COP1: variants seen among roughly 807,000 people sequenced by gnomAD.
COP1 encodes the protein COP1 E3 ubiquitin ligase.
COP1 carries 24 observed loss-of-function variants against 101.3 expected under a neutral mutation model. The observed-to-expected ratio is 0.24, with a 90% CI of 0.17 to 0.33. COP1 has a LOEUF of 0.33. Among genes scored for constraint, COP1 ranks in the 10% least tolerant of loss-of-function variants. The pLI is 1.00. For missense variants in COP1, 663 were observed against 906.2 expected (o/e 0.73, Z 3.45); for synonymous variants, 347 against 341.9 (o/e 1.01, Z -0.17).
intron 9 of COP1, among the ~76,000 whole-genome samples, chr1:176,111,586 C>T (rs1685303000): frequency 6.6e-6 from 1 of 152,224 alleles, no homozygotes; most frequent in African/African-American, 2.4e-5. Flanking sequence ...AGCCACCACA[C>T]CCAGCCCCTA....
At position 175,992,456 on chromosome 1, in the gene COP1, G is replaced by A. The variant is rs544258000; in HGVS notation, c.1730-2977C>T. ...AGCAGGGTGAGGCATTGCCTCACTC[G>A]GGAAGCGCAAGGGGTCAGGGAGTTC... On this transcript the variant is annotated intron_variant, in intron 15 of 19. Transcript: ENST00000367669. Among the ~76,000 whole-genome samples, 457 of 152,328 alleles carry A rather than the reference G, an allele frequency of 3.0e-3. 2 individuals carry two copies. The highest frequency in any genetic ancestry group is 0.01 in the African/African-American group (429 of 41,586).
chr1:175,956,284 TG>T (rs1176711073), intron 18 of COP1, among the ~76,000 whole-genome samples: 2 of 152,084 alleles, frequency 1.3e-5, no homozygotes, highest in Non-Finnish European at 2.9e-5. Context: ...ACTGCAGGTA[TG>T]TGAAACAACC....
At chr1:175,960,648 G>C (rs1651225572) in intron 18 of COP1, among the ~76,000 whole-genome samples, 1 of 152,164 alleles carries the variant, frequency 6.6e-6, no homozygotes, top group Non-Finnish European at 1.5e-5. Flanking sequence ...ACATTAGATG[G>C]TACTGGTAAC....
At chr1:175,966,133 A>C (rs1651992048) in intron 18 of COP1, among the ~76,000 whole-genome samples, 1 of 152,148 alleles carries the variant, frequency 6.6e-6, no homozygotes, top group Admixed American at 6.5e-5. Flanking sequence ...AATATATATA[A>C]ATATGTCTAA....
intron 1 of COP1, among the ~76,000 whole-genome samples, chr1:176,199,110 G>T (rs1558304546): frequency 6.6e-6 from 1 of 152,150 alleles, no homozygotes. Context: ...GAGGTCCAGG[G>T]ATCGAGACCA....
intron 5 of COP1, among the ~76,000 whole-genome samples, chr1:176,151,506 G>A (rs1309902314): frequency 2.0e-5 from 3 of 152,114 alleles, no homozygotes; most frequent in Non-Finnish European, 2.9e-5. Flanking sequence ...TCAGTTAAGC[G>A]TCTCAAGAGG....
chr1:175,997,870 A>G (rs1447180847), intron 15 of COP1, among the ~76,000 whole-genome samples: 2 of 152,006 alleles, frequency 1.3e-5, no homozygotes, highest in Admixed American at 6.6e-5. Flanking sequence ...AACTAGAAAT[A>G]CCATTTGACC....
At chr1:176,141,772 C>T (rs1022452190) in intron 6 of COP1, among the ~76,000 whole-genome samples, 1 of 151,378 alleles carries the variant, frequency 6.6e-6, no homozygotes, top group East Asian at 1.9e-4. Context: ...ATTTTGTCAC[C>T]CAGGCTGGAG....
intron 9 of COP1, among the ~76,000 whole-genome samples, chr1:176,089,448 G>A (rs927924382): frequency 6.6e-6 from 1 of 152,170 alleles, no homozygotes; most frequent in Non-Finnish European, 1.5e-5. Context: ...CTTGAAAAAT[G>A]TTAGCATATA....
intron 5 of COP1, chr1:176,160,255 CTTTTTTTTT>C (rs67600151): frequency 1.8e-4 from 42 of 238,796 alleles, no homozygotes; most frequent in East Asian, 4.6e-4. Context: ...CCACACACAT[CTTTTTTTTT>C]TTTTTTTTTT....
chr1:176,178,574 G>A (rs947556071), intron 2 of COP1, among the ~76,000 whole-genome samples: 12 of 152,216 alleles, frequency 7.9e-5, no homozygotes, highest in Middle Eastern at 3.4e-3. Context: ...AGAGATGGCC[G>A]GGAGCAGTGG....
chr1:176,081,319 A>G, intron 10 of COP1, 32 bp from the exon 11 acceptor site: 3 of 1,534,336 alleles, frequency 2.0e-6, no homozygotes, highest in Non-Finnish European at 2.6e-6. Flanking sequence ...AAGACAAAAC[A>G]GATGAATTGA....
At chr1:176,119,010 T>C (rs1224598391) in intron 8 of COP1, among the ~76,000 whole-genome samples, 1 of 152,244 alleles carries the variant, frequency 6.6e-6, no homozygotes, top group Non-Finnish European at 1.5e-5. Context: ...TAACAATTCC[T>C]ATAGCAAAAC....
chr1:176,156,001 T>C (rs924095232), intron 5 of COP1, among the ~76,000 whole-genome samples: 1 of 151,910 alleles, frequency 6.6e-6, no homozygotes. Flanking sequence ...AGGTAAATAT[T>C]TGGGTAAATA....
chr1:176,049,986 C>T (rs10913130), intron 11 of COP1, among the ~76,000 whole-genome samples: 150,034 of 152,340 alleles, frequency 0.98, 73,933 homozygotes, highest in East Asian at 1. Flanking sequence ...CTTACTACTG[C>T]TATACAACGT....
intron 1 of COP1, 115 bp from the exon 2 acceptor site, chr1:176,184,807 G>C: frequency 1.5e-6 from 1 of 662,212 alleles, no homozygotes; most frequent in Non-Finnish European, 2.6e-6. Context: ...TTAGAGCTAA[G>C]TCTATAAACA....
At chr1:176,148,838 T>C (rs563910955) in intron 6 of COP1, among the ~76,000 whole-genome samples, 168 bp downstream of exon 6, 2 of 152,192 alleles carry the variant, frequency 1.3e-5, no homozygotes, top group East Asian at 3.9e-4. Flanking sequence ...AAGTGTCAAG[T>C]TGTAAAGAGA....
chr1:176,045,853 T>A (rs1382820473), intron 12 of COP1, among the ~76,000 whole-genome samples: 1 of 151,874 alleles, frequency 6.6e-6, no homozygotes, highest in Non-Finnish European at 1.5e-5. Flanking sequence ...GATGTTCAAA[T>A]ACTATTCATA....
At chr1:176,018,230 T>A (rs564289295) in intron 15 of COP1, among the ~76,000 whole-genome samples, 1 of 152,348 alleles carries the variant, frequency 6.6e-6, no homozygotes, top group East Asian at 1.9e-4. Flanking sequence ...GATATTCTCC[T>A]AGAGTCAAAG....
Sources: gnomAD v4.1 joint callset for allele counts (sites outside exome capture counted in the v4.1 genomes callset) on GRCh38, gnomAD v4.1.1 for gene constraint, MANE v1.5 for transcripts, NCBI Gene and HGNC (gene_info 2026-07-23, HGNC 2026-07-21) for gene names.